Variants in DCAF8L2 observed in about 807,000 individuals in gnomAD.
The protein encoded by DCAF8L2 is DDB1 and CUL4 associated factor 8 like 2.
For synonymous variants in DCAF8L2, 200 were observed against 190.9 expected, an observed-to-expected ratio of 1.05 and a Z score of -0.39; for missense variants, 430 against 490.7, an observed-to-expected ratio of 0.88 and a Z score of 1.17.
chrX:27,615,528 T>A (rs934221095), intron 1 of DCAF8L2, among the ~76,000 whole-genome samples: 7 of 107,813 alleles, frequency 6.5e-5, no homozygotes, highest in Non-Finnish European at 1.3e-4. Flanking sequence ...TCTATCAATC[T>A]ATCTATCTAT....
intron 4 of DCAF8L2, among the ~76,000 whole-genome samples, chrX:27,743,894 G>A (rs1055508595): frequency 2.8e-5 from 3 of 107,497 alleles, no homozygotes; most frequent in Non-Finnish European, 5.7e-5. Flanking sequence ...CACCATATCC[G>A]GCTAATTTTT....
chrX:27,537,877 T>C, the DCAF8L2 span, among the ~76,000 whole-genome samples: 2 of 112,341 alleles, frequency 1.8e-5, no homozygotes, highest in African/African-American at 6.5e-5. Context: ...GAAATTGATA[T>C]GTATTACCAA....
intron 3 of DCAF8L2, among the ~76,000 whole-genome samples, chrX:27,704,177 T>C (rs369638498): frequency 2.1e-4 from 9 of 42,868 alleles, no homozygotes; most frequent in African/African-American, 2.7e-4. Context: ...TATATATACA[T>C]ATACACACAC....
chrX:27,684,126 AGT>A (rs1930418527), intron 3 of DCAF8L2, among the ~76,000 whole-genome samples: 1 of 112,165 alleles, frequency 8.9e-6, no homozygotes, highest in South Asian at 3.7e-4. Context: ...CAAGTGAAGT[AGT>A]GAGAGGTATC....
intron 4 of DCAF8L2, among the ~76,000 whole-genome samples, chrX:27,739,756 G>A (rs1395807323): frequency 9.0e-6 from 1 of 111,670 alleles, no homozygotes; most frequent in Non-Finnish European, 1.9e-5. Context: ...CCTCACTGTA[G>A]TAAATGTCAC....
the DCAF8L2 span, among the ~76,000 whole-genome samples, chrX:27,516,454 T>TCACACA: frequency 1.0e-5 from 1 of 97,434 alleles, no homozygotes; most frequent in African/African-American, 3.8e-5. Flanking sequence ...CATCTCTCTC[T>TCACACA]CACACACACA....
At chrX:27,502,032 G>T in the DCAF8L2 span, among the ~76,000 whole-genome samples, 1 of 108,380 alleles carries the variant, frequency 9.2e-6, no homozygotes, top group Non-Finnish European at 1.9e-5. Flanking sequence ...TTCAAAAATG[G>T]CAATATGGTT....
At chrX:27,681,247 G>A (rs1930317753) in intron 3 of DCAF8L2, among the ~76,000 whole-genome samples, 1 of 111,227 alleles carries the variant, frequency 9.0e-6, no homozygotes, top group South Asian at 3.8e-4. Context: ...CACATGTTAA[G>A]TAAGCAGAGT....
the DCAF8L2 span, among the ~76,000 whole-genome samples, chrX:27,533,170 GAAAGAAAGAAAGAAAGAA>G: frequency 6.3e-4 from 8 of 12,665 alleles, 1 homozygote; most frequent in African/African-American, 1.4e-3. Context: ...GAGAGAGAAA[GAAAGAAAGAAAGAAAGAA>G]AGAAAGAAAG....
chrX:27,572,748 CCTATTTATTAAGAGT>C, the DCAF8L2 span, among the ~76,000 whole-genome samples: 3 of 111,317 alleles, frequency 2.7e-5, no homozygotes, highest in African/African-American at 9.8e-5. Flanking sequence ...GAGACACAGA[CCTATTTATTAAGAGT>C]CCTGTGACAT....
chrX:27,555,724 A>G, the DCAF8L2 span, among the ~76,000 whole-genome samples: 1 of 111,862 alleles, frequency 8.9e-6, no homozygotes, highest in Non-Finnish European at 1.9e-5. Context: ...TGCAGGAGGA[A>G]GAGGCTTCTA....
At chrX:27,690,730 C>G (rs1930683878) in intron 3 of DCAF8L2, among the ~76,000 whole-genome samples, 1 of 111,638 alleles carries the variant, frequency 9.0e-6, no homozygotes, top group African/African-American at 3.3e-5. Context: ...CTACCGTGCC[C>G]TTCACTGGCT....
intron 1 of DCAF8L2, among the ~76,000 whole-genome samples, chrX:27,598,246 A>T (rs2147115684): frequency 8.9e-6 from 1 of 112,949 alleles, no homozygotes; most frequent in Admixed American, 9.3e-5. Context: ...ATCATAAAAA[A>T]GTCAGTGTGA....
intron 3 of DCAF8L2, among the ~76,000 whole-genome samples, chrX:27,685,525 G>A (rs754635222): frequency 5.4e-5 from 6 of 111,650 alleles, no homozygotes; most frequent in South Asian, 3.7e-4. Flanking sequence ...CTAGATATTC[G>A]TAGTCAGAGG....
intron 4 of DCAF8L2, among the ~76,000 whole-genome samples, chrX:27,730,723 G>GAA (rs11324384): frequency 1.0e-5 from 1 of 98,483 alleles, no homozygotes. Flanking sequence ...TTTTATTTTT[G>GAA]AAAAAAAAAA....
chrX:27,599,514 T>C (rs967351119), intron 1 of DCAF8L2, among the ~76,000 whole-genome samples: 1 of 111,604 alleles, frequency 9.0e-6, no homozygotes, highest in Non-Finnish European at 1.9e-5. Context: ...AGGGTAGATC[T>C]CCTGTTAGGT....
the DCAF8L2 span, among the ~76,000 whole-genome samples, chrX:27,548,112 G>A: frequency 2.7e-5 from 3 of 110,449 alleles, no homozygotes; most frequent in Non-Finnish European, 5.7e-5. Context: ...CATGGGAACC[G>A]TGGGGAGCAG....
chrX:27,733,333 G>GA (rs1335651694), intron 4 of DCAF8L2, among the ~76,000 whole-genome samples: 10 of 111,653 alleles, frequency 9.0e-5, no homozygotes, highest in Non-Finnish European at 9.4e-5. Context: ...GTTACGTCTG[G>GA]AAAAAATGTA....
At chrX:27,660,390 A>G (rs1316784134) in intron 2 of DCAF8L2, among the ~76,000 whole-genome samples, 1 of 108,862 alleles carries the variant, frequency 9.2e-6, no homozygotes, top group African/African-American at 3.6e-5. Context: ...TGAGTAGCTT[A>G]TAGAGAAGGA....
Sources: gnomAD v4.1 joint callset for allele counts (sites outside exome capture counted in the v4.1 genomes callset) on GRCh38, gnomAD v4.1.1 for gene constraint, MANE v1.5 for transcripts, NCBI Gene and HGNC (gene_info 2026-07-23, HGNC 2026-07-21) for gene names.